GEMIN5: variants seen among roughly 807,000 people sequenced by gnomAD.
The protein encoded by GEMIN5 is gem-associated protein 5.
GEMIN5 carries 124 observed loss-of-function variants against 176.9 expected under a neutral mutation model. The ratio of observed to expected loss-of-function variants is 0.70; its 90% CI spans 0.61 to 0.81. The LOEUF is 0.81. GEMIN5 is among the 40% of genes least tolerant of loss of function. The pLI is 0.00. For missense variants in GEMIN5, 1,843 were observed against 1,814.6 expected (o/e 1.02, Z -0.28); for synonymous variants, 673 against 665.2 (o/e 1.01, Z -0.18).
chr5:154,904,733 G>A, intron 17 of GEMIN5, 104 bp from the exon 18 acceptor site: 1 of 787,688 alleles, frequency 1.3e-6, no homozygotes, highest in South Asian at 1.7e-5. Flanking sequence ...CGACACCACA[G>A]GCAGAGAAAG....
chr5:154,890,600 A>AC (rs1763204042), intron 26 of GEMIN5, among the ~76,000 whole-genome samples: 1 of 151,240 alleles, frequency 6.6e-6, no homozygotes, highest in East Asian at 2.0e-4. Flanking sequence ...AGTAGCTGGG[A>AC]CTACAAGTGC....
intron 15 of GEMIN5, among the ~76,000 whole-genome samples, chr5:154,910,931 C>T (rs193276341): frequency 7.2e-5 from 11 of 152,236 alleles, no homozygotes; most frequent in African/African-American, 2.6e-4. Context: ...ATCTCCCGAC[C>T]TTGTGATCCG....
At chr5:154,904,448 A>G in intron 18 of GEMIN5, 59 bp downstream of exon 18, 1 of 1,415,208 alleles carries the variant, frequency 7.1e-7, no homozygotes, top group Non-Finnish European at 9.8e-7. Flanking sequence ...ATAAGTAAAC[A>G]TCCCTTATAT....
rs937147370 is a variant in GEMIN5, at chr5:154,927,419, T to C, written c.1046A>G (p.Lys349Arg). 6.3e-7 allele frequency: 1 copy of C among 1,590,704 alleles called. No homozygotes were observed. The highest frequency in any genetic ancestry group is 1.3e-5 in the African/African-American group (1 of 74,760). The change falls in exon 7 of 28, where the codon AAA (lysine) becomes AGA (arginine). Residue 349 changes from lysine (K) to arginine (R), a missense_variant. Coordinates refer to ENST00000285873, the MANE Select transcript of GEMIN5 (RefSeq NM_015465.5). Reference protein sequence around the residue: ...NLCPLQTEDDKQLLLSTSMDR... With the variant: ...NLCPLQTEDDRQLLLSTSMDR... The stretch of plus-strand genomic sequence containing the variant: ...CATTGATGTAGAAAGTAATAGCTGT[T>C]TGTCATCCTCTGTTTGTAAAGGACA...
At chr5:154,935,226 G>C (rs1764243509) in intron 3 of GEMIN5, among the ~76,000 whole-genome samples, 1 of 152,214 alleles carries the variant, frequency 6.6e-6, no homozygotes. Flanking sequence ...TTGTGAAAGA[G>C]TTGTTGTCTC....
chr5:154,928,394 T>C (rs1042752810), intron 6 of GEMIN5, 133 bp downstream of exon 6: 3 of 746,432 alleles, frequency 4.0e-6, no homozygotes, highest in African/African-American at 3.5e-5. Context: ...CAGGCATTAG[T>C]CTCATAATTT....
intron 23 of GEMIN5, among the ~76,000 whole-genome samples, chr5:154,897,829 CAAGG>C (rs1763381591): frequency 6.6e-6 from 1 of 151,796 alleles, no homozygotes; most frequent in African/African-American, 2.4e-5. Flanking sequence ...ATTCTCTCTT[CAAGG>C]AAGACAGTGC....
intron 24 of GEMIN5, among the ~76,000 whole-genome samples, chr5:154,893,731 C>T (rs1395645458): frequency 1.3e-5 from 2 of 151,974 alleles, no homozygotes; most frequent in African/African-American, 4.8e-5. Context: ...TGAGATTCAC[C>T]GATATTCTTC....
chr5:154,898,768 G>A, intron 22 of GEMIN5, 118 bp from the exon 23 acceptor site: 2 of 815,680 alleles, frequency 2.5e-6, no homozygotes, highest in Non-Finnish European at 4.0e-6. Flanking sequence ...TGTGGTCCCA[G>A]GTATGTCACT....
intron 11 of GEMIN5, among the ~76,000 whole-genome samples, chr5:154,918,498 A>G (rs905258535): frequency 2.0e-5 from 3 of 152,062 alleles, no homozygotes; most frequent in African/African-American, 7.2e-5. Flanking sequence ...TTCTTCAACT[A>G]TCTTTATTGT....
intron 10 of GEMIN5, 93 bp downstream of exon 10, chr5:154,921,250 G>T: frequency 1.3e-6 from 1 of 745,854 alleles, no homozygotes; most frequent in African/African-American, 1.8e-5. Context: ...CAGTGCACTA[G>T]ACCATTTATG....
At chr5:154,932,976 C>T (rs771821521) in intron 3 of GEMIN5, among the ~76,000 whole-genome samples, 1 of 152,218 alleles carries the variant, frequency 6.6e-6, no homozygotes, top group Non-Finnish European at 1.5e-5. Flanking sequence ...CAGAATTCTA[C>T]ACTCTAGACC....
intron 21 of GEMIN5, among the ~76,000 whole-genome samples, 169 bp from the exon 22 acceptor site, chr5:154,899,479 A>G (rs1161420255): frequency 6.6e-6 from 1 of 152,238 alleles, no homozygotes; most frequent in East Asian, 1.9e-4. Flanking sequence ...CATATGCTGC[A>G]TTCGTTTCTT....
intron 15 of GEMIN5, 32 bp from the exon 16 acceptor site, chr5:154,907,850 G>C (rs1763604068): frequency 1.3e-6 from 2 of 1,519,780 alleles, no homozygotes; most frequent in African/African-American, 1.4e-5. Context: ...ACTGACTAAA[G>C]TATACATTCT....
rs747756363 is a variant in GEMIN5, at chr5:154,891,416, T to C, written c.4087A>G (p.Lys1363Glu). Reference protein sequence around the residue: ...LSTFKELFSEKHASLQNSQRT... With the variant: ...LSTFKELFSEEHASLQNSQRT... ...TGTGAGTTTTGGAGACTGGCATGCT[T>C]TTCTGAAAAGAGCTCCTTAAAAGTA... The change falls in exon 26 of 28, where the codon AAG (lysine) becomes GAG (glutamate). Residue 1363 changes from lysine (K) to glutamate (E), a missense_variant. Transcript: ENST00000285873. 10 of 1,614,166 alleles carry C rather than the reference T, an allele frequency of 6.2e-6. No homozygotes were observed. Among genetic ancestry groups the C allele is most frequent in the Non-Finnish European group, 8.5e-6 (10 of 1,180,016 alleles).
In GEMIN5 at chr5:154,917,182, G is replaced by A; in HGVS notation, c.1674-3C>T. ...GAATCTGAAATATTTCTATTGATCTGGAATAAGAAACACATCAAAACAAGA... is the reference window on the plus strand; with the variant it reads ...GAATCTGAAATATTTCTATTGATCTAGAATAAGAAACACATCAAAACAAGA... On this transcript the variant is annotated splice_polypyrimidine_tract_variant and splice_region_variant and intron_variant, in intron 12 of 27. Transcript: ENST00000285873. 6.8e-7 allele frequency: 1 copy of A among 1,467,494 alleles called. No individual in the cohort carries two copies. Among genetic ancestry groups the A allele is most frequent in the Non-Finnish European group, 9.2e-7 (1 of 1,086,474 alleles). The allele number at this position is 1,467,494 out of a possible 1,614,324, so 90.9% of individuals were successfully genotyped here. A position where few individuals can be genotyped will look rare whatever the true frequency, so the allele number is the denominator to read the frequency against.
intron 24 of GEMIN5, among the ~76,000 whole-genome samples, chr5:154,894,709 A>T (rs567175887): frequency 3.2e-4 from 48 of 152,282 alleles, no homozygotes; most frequent in African/African-American, 1.1e-3. Flanking sequence ...GTTCGAGACC[A>T]GCCTGGCCAA....
chr5:154,906,102 CCT>C (rs1763562247), intron 16 of GEMIN5, among the ~76,000 whole-genome samples: 1 of 151,890 alleles, frequency 6.6e-6, no homozygotes, highest in Non-Finnish European at 1.5e-5. Context: ...CTCAGGTGAT[CCT>C]CCCCTCCTCA....
chr5:154,936,333 C>T (rs1307836184), intron 2 of GEMIN5, among the ~76,000 whole-genome samples: 1 of 151,558 alleles, frequency 6.6e-6, no homozygotes, highest in African/African-American at 2.4e-5. Context: ...AGGAGAATGG[C>T]GTCAACCCAG....
Sources: gnomAD v4.1 joint callset for allele counts (sites outside exome capture counted in the v4.1 genomes callset) on GRCh38, gnomAD v4.1.1 for gene constraint, MANE v1.5 for transcripts, NCBI Gene and HGNC (gene_info 2026-07-23, HGNC 2026-07-21) for gene names.